Variants in PLCH1 observed in about 807,000 individuals in gnomAD.
PLCH1 encodes 1-phosphatidylinositol 4,5-bisphosphate phosphodiesterase eta-1.
Under a neutral mutation model 126.7 loss-of-function variants are expected in PLCH1, and 60 were observed. That is an observed-to-expected ratio of 0.47 (90% confidence interval 0.38 to 0.59). PLCH1 has a LOEUF of 0.59. Ranked by LOEUF, PLCH1 falls within the 20% of genes least tolerant of loss-of-function variation. The pLI is 0.00. For synonymous variants in PLCH1, 719 were observed against 734.9 expected, an observed-to-expected ratio of 0.98 and a Z score of 0.35; for missense variants, 1,723 against 2,040.0, an observed-to-expected ratio of 0.84 and a Z score of 2.99.
At chr3:155,457,470 G>A (rs752540376) in intron 21 of PLCH1, 3 of 152,138 alleles carry the variant, frequency 2.0e-5, no homozygotes, top group Non-Finnish European at 4.4e-5. Context: ...ACAATTCTGA[G>A]GGTAAGGCCC....
intron 2 of PLCH1, among the ~76,000 whole-genome samples, chr3:155,637,652 A>G (rs1313901243): frequency 6.6e-6 from 1 of 152,212 alleles, no homozygotes; most frequent in Non-Finnish European, 1.5e-5. Flanking sequence ...TAATTCTTAT[A>G]CTTCTCTACA....
Position 155,482,742 on chromosome 3 carries a change from T to C in PLCH1, c.3284A>G (p.His1095Arg), listed in dbSNP as rs1325810974. The change falls in exon 23 of 23, where the codon CAT becomes CGT. Residue 1095 changes from histidine (H) to arginine (R), a missense_variant. Physicochemically the swap from His to Arg is conservative, Grantham distance 29 (BLOSUM62 0). Around this residue, in one of 2 missense-constraint regions of PLCH1, gnomAD observed 947 missense variants for 977.1 expected, o/e 0.97. Transcript: ENST00000460012. ...ACCCTTTTCCTTGATTTTCACACCA[T>C]GCAGATCTTGTGTGGGGTTAACTAC... Reference protein sequence around the residue: ...DPVVNPTQDLHGVKIKEKGNP... With the variant: ...DPVVNPTQDLRGVKIKEKGNP... 14 of 1,614,078 alleles carry C rather than the reference T, an allele frequency of 8.7e-6. No homozygotes were observed. The Middle Eastern group carries it at 4.9e-4, about 57-fold the overall frequency.
At chr3:155,693,139 C>G (rs1745538444) in intron 2 of PLCH1, among the ~76,000 whole-genome samples, 1 of 152,130 alleles carries the variant, frequency 6.6e-6, no homozygotes, top group South Asian at 2.1e-4. Context: ...ATGAGAATCA[C>G]TACTTAGTCA....
At chr3:155,692,762 AT>A (rs35785650) in intron 2 of PLCH1, among the ~76,000 whole-genome samples, 31,894 of 148,014 alleles carry the variant, frequency 0.22, 5,488 homozygotes, top group African/African-American at 0.48. Context: ...ATCATTAGCA[AT>A]TTTTTTTTTT....
At chr3:155,498,622 G>T (rs1717422172) in intron 14 of PLCH1, among the ~76,000 whole-genome samples, 1 of 152,194 alleles carries the variant, frequency 6.6e-6, no homozygotes, top group African/African-American at 2.4e-5. Flanking sequence ...CGGGCCACAA[G>T]AATTATACAC....
At chr3:155,582,169 C>A (rs1303568547) in intron 6 of PLCH1, among the ~76,000 whole-genome samples, 1 of 149,206 alleles carries the variant, frequency 6.7e-6, no homozygotes, top group African/African-American at 2.5e-5. Flanking sequence ...ACAACCTCCA[C>A]CTCCTGGGTT....
chr3:155,514,078 T>C (rs867128672), intron 12 of PLCH1, among the ~76,000 whole-genome samples: 10 of 152,134 alleles, frequency 6.6e-5, no homozygotes, highest in Middle Eastern at 3.4e-3. Flanking sequence ...AGCAAAAAAA[T>C]AGAGCTACAA....
chr3:155,514,703 T>C lies in PLCH1; in HGVS notation c.1632+20A>G. ...TTTTTTTTTCCTGTTGAAGGATAAGTACAAGAGGGAATCAGATACCTGCTT... is the reference window on the plus strand; with the variant it reads ...TTTTTTTTTCCTGTTGAAGGATAAGCACAAGAGGGAATCAGATACCTGCTT... On this transcript the variant is annotated intron_variant, in intron 12 of 22. Coordinates refer to ENST00000460012, the MANE Select transcript of PLCH1 (RefSeq NM_014996.4). 6.7e-7 allele frequency: 1 copy of C among 1,497,106 alleles called. No individual in the cohort carries two copies. The highest frequency in any genetic ancestry group is 9.0e-7 in the Non-Finnish European group (1 of 1,111,306). The allele number at this position is 1,497,106 out of a possible 1,614,324, so 92.7% of individuals were successfully genotyped here. A position where few individuals can be genotyped will look rare whatever the true frequency, so the allele number is the denominator to read the frequency against.
chr3:155,453,300 T>C (rs1392623406), intron 21 of PLCH1, among the ~76,000 whole-genome samples: 1 of 152,138 alleles, frequency 6.6e-6, no homozygotes, highest in African/African-American at 2.4e-5. Flanking sequence ...AAAAGGATAT[T>C]AGTGGGATAC....
At chr3:155,456,678 T>C (rs960093188) in intron 21 of PLCH1, 1 of 152,222 alleles carries the variant, frequency 6.6e-6, no homozygotes, top group Non-Finnish European at 1.5e-5. Flanking sequence ...CCTTCTCTTC[T>C]CCATTTCAGG....
chr3:155,610,377 AAAAAAAAAAAAAC>A (rs1734907213), intron 2 of PLCH1, among the ~76,000 whole-genome samples: 2 of 149,632 alleles, frequency 1.3e-5, no homozygotes, highest in African/African-American at 4.9e-5. Context: ...AAAAAAAAAA[AAAAAAAAAAAAAC>A]CATCACCTAG....
intron 12 of PLCH1, among the ~76,000 whole-genome samples, chr3:155,511,089 G>A (rs1485954822): frequency 9.6e-4 from 64 of 66,336 alleles, no homozygotes; most frequent in South Asian, 5.8e-3. Flanking sequence ...TTCCCTTCTC[G>A]CTTCATTTCA....
chr3:155,658,056 G>T (rs73156552), intron 2 of PLCH1: 17 of 212,214 alleles, frequency 8.0e-5, no homozygotes, highest in Non-Finnish European at 1.4e-4. Context: ...TTACAAAACC[G>T]GTTGGTGGTG....
At chr3:155,582,671 A>C (rs1021843091) in intron 6 of PLCH1, among the ~76,000 whole-genome samples, 55 of 152,132 alleles carry the variant, frequency 3.6e-4, no homozygotes, top group Non-Finnish European at 2.9e-4. Flanking sequence ...TTATATTAAG[A>C]CGATTGGTCC....
intron 2 of PLCH1, among the ~76,000 whole-genome samples, chr3:155,654,873 T>A (rs1329174995): frequency 1.3e-5 from 2 of 152,194 alleles, no homozygotes; most frequent in African/African-American, 4.8e-5. Flanking sequence ...TAGGAAAAAC[T>A]CTAAATCCCA....
chr3:155,708,306 G>C (rs1320428907), intron 1 of PLCH1, among the ~76,000 whole-genome samples: 1 of 152,224 alleles, frequency 6.6e-6, no homozygotes, highest in Non-Finnish European at 1.5e-5. Flanking sequence ...CAAGGGAAGA[G>C]AGCTGTGCGA....
intron 1 of PLCH1, among the ~76,000 whole-genome samples, chr3:155,720,997 G>A (rs1308827168): frequency 1.3e-5 from 2 of 152,044 alleles, no homozygotes; most frequent in Admixed American, 6.5e-5. Context: ...CCCATGTTTT[G>A]TTTGCTTTGT....
intron 11 of PLCH1, among the ~76,000 whole-genome samples, chr3:155,523,345 A>G (rs1341661637): frequency 6.6e-6 from 1 of 152,006 alleles, no homozygotes; most frequent in African/African-American, 2.4e-5. Flanking sequence ...AGTGAGTAAC[A>G]AACTATTCCA....
chr3:155,667,619 T>G (rs1742873325), intron 2 of PLCH1, among the ~76,000 whole-genome samples: 1 of 152,094 alleles, frequency 6.6e-6, no homozygotes, highest in African/African-American at 2.4e-5. Context: ...TAAAACTGAT[T>G]GGCTCAACTG....
Sources: gnomAD v4.1 joint callset for allele counts (sites outside exome capture counted in the v4.1 genomes callset) on GRCh38, gnomAD v4.1.1 for gene constraint, gnomAD v4.1.1 regional missense constraint, MANE v1.5 for transcripts, NCBI Gene and HGNC (gene_info 2026-07-23, HGNC 2026-07-21) for gene names.